CNTN5: variants seen among roughly 807,000 people sequenced by gnomAD.
CNTN5 encodes the protein contactin 5.
A neutral mutation model predicts 129.1 loss-of-function variants in CNTN5; 77 were observed. That is an observed-to-expected ratio of 0.60 (90% CI 0.50 to 0.72). The LOEUF is 0.72. CNTN5 is among the 30% of genes least tolerant of loss of function. The pLI is 0.00. For synonymous variants in CNTN5, 509 were observed against 465.6 expected (o/e 1.09, Z -1.20); for missense variants, 1,478 against 1,328.8 (o/e 1.11, Z -1.75).
At chr11:100,311,960 C>A (rs1384546032) in intron 21 of CNTN5, among the ~76,000 whole-genome samples, 1 of 151,908 alleles carries the variant, frequency 6.6e-6, no homozygotes, top group Non-Finnish European at 1.5e-5. Flanking sequence ...AGAAAGTTAA[C>A]AAGGATGAAT....
At chr11:99,395,213 A>T (rs1223868288) in intron 2 of CNTN5, among the ~76,000 whole-genome samples, 1 of 151,642 alleles carries the variant, frequency 6.6e-6, no homozygotes, top group African/African-American at 2.4e-5. Context: ...TTTATTTTTG[A>T]CATTTTAACA....
chr11:100,074,603 T>C (rs941109586), intron 13 of CNTN5, among the ~76,000 whole-genome samples: 2 of 152,198 alleles, frequency 1.3e-5, no homozygotes, highest in African/African-American at 4.8e-5. Flanking sequence ...TTAGGAGGTC[T>C]ACAAATCATC....
intron 1 of CNTN5, among the ~76,000 whole-genome samples, chr11:99,078,784 A>G (rs1865681789): frequency 1.3e-5 from 2 of 152,162 alleles, no homozygotes; most frequent in Admixed American, 1.3e-4. Context: ...GATGGCTACC[A>G]GAGGCTGGGA....
At chr11:99,311,426 T>A (rs1376089042) in intron 1 of CNTN5, among the ~76,000 whole-genome samples, 2 of 152,198 alleles carry the variant, frequency 1.3e-5, no homozygotes, top group African/African-American at 4.8e-5. Context: ...GTGTTGACCT[T>A]ATCAAATGAG....
chr11:99,520,735 T>G, intron 2 of CNTN5, among the ~76,000 whole-genome samples: 1 of 152,082 alleles, frequency 6.6e-6, no homozygotes, highest in East Asian at 1.9e-4. Flanking sequence ...ATACGTATTT[T>G]GGGATCCAAG....
chr11:99,798,005 C>T (rs539725624), intron 3 of CNTN5, among the ~76,000 whole-genome samples: 1 of 152,148 alleles, frequency 6.6e-6, no homozygotes, highest in African/African-American at 2.4e-5. Context: ...ATGTTTGTTA[C>T]ATAGGAAAAC....
rs1020003311 is a variant in CNTN5 at position 99,548,244 on chromosome 11, C to G, written c.-70-7901C>G. ...TCCTTTACATAAATTTTCACTGGGT[C>G]TGGAATAGTACATTGCTAAAAACCT... On this transcript the variant is annotated intron_variant, in intron 2 of 24. Transcript: ENST00000524871. Among the ~76,000 whole-genome samples the G allele has an allele frequency of 2.6e-4, 39 of 152,176 alleles. 1 individual carries two copies. Among genetic ancestry groups the G allele is most frequent in the Middle Eastern group, 6.8e-3 (2 of 294 alleles).
chr11:100,099,148 C>T (rs953459502), intron 13 of CNTN5, among the ~76,000 whole-genome samples: 8 of 152,010 alleles, frequency 5.3e-5, no homozygotes, highest in Admixed American at 4.6e-4. Flanking sequence ...ATTTTAATTA[C>T]CTTGGTTATA....
At chr11:99,694,416 C>G (rs1289054592) in intron 3 of CNTN5, among the ~76,000 whole-genome samples, 1 of 152,086 alleles carries the variant, frequency 6.6e-6, no homozygotes, top group Non-Finnish European at 1.5e-5. Context: ...GTAGCCTTTA[C>G]AGAAAAAAAG....
intron 3 of CNTN5, among the ~76,000 whole-genome samples, chr11:99,609,314 G>A (rs117357839): frequency 0.012 from 1,880 of 152,186 alleles, 17 homozygotes; most frequent in Non-Finnish European, 0.02. Flanking sequence ...TTCTGAGCAA[G>A]GATACACAGA....
intron 21 of CNTN5, among the ~76,000 whole-genome samples, chr11:100,314,104 G>A (rs1026424994): frequency 6.6e-6 from 1 of 152,062 alleles, no homozygotes; most frequent in African/African-American, 2.4e-5. Context: ...TGAGGGCAAG[G>A]GAACGTCATT....
chr11:99,474,128 T>A (rs1243288370), intron 2 of CNTN5, among the ~76,000 whole-genome samples: 2 of 152,092 alleles, frequency 1.3e-5, no homozygotes, highest in African/African-American at 2.4e-5. Context: ...GTCTATAATA[T>A]GCCTGATTCC....
At chr11:100,299,101 G>A in intron 19 of CNTN5, 61 bp from the exon 20 acceptor site, 1 of 1,127,230 alleles carries the variant, frequency 8.9e-7, no homozygotes, top group Non-Finnish European at 1.3e-6. Context: ...TTAAGAATTT[G>A]GAGAAAGTGG....
At chr11:99,610,865 G>T (rs771003097) in intron 3 of CNTN5, among the ~76,000 whole-genome samples, 2 of 152,162 alleles carry the variant, frequency 1.3e-5, no homozygotes, top group Non-Finnish European at 2.9e-5. Flanking sequence ...AAGCAAAAGA[G>T]AAATATTTGT....
chr11:99,962,445 A>G (rs1469659937), intron 8 of CNTN5, among the ~76,000 whole-genome samples: 5 of 151,862 alleles, frequency 3.3e-5, no homozygotes, highest in African/African-American at 1.2e-4. Flanking sequence ...GCTGAGAATG[A>G]TGGTTTCCAG....
intron 1 of CNTN5, among the ~76,000 whole-genome samples, chr11:99,139,753 A>G (rs1859422642): frequency 6.6e-6 from 1 of 152,196 alleles, no homozygotes; most frequent in African/African-American, 2.4e-5. Context: ...TGATGTACAA[A>G]TATTTGACAA....
chr11:99,141,767 G>A (rs1859527370), intron 1 of CNTN5, among the ~76,000 whole-genome samples: 1 of 152,102 alleles, frequency 6.6e-6, no homozygotes, highest in African/African-American at 2.4e-5. Flanking sequence ...TAGTCATCCA[G>A]GAGCAGTTTG....
At chr11:100,233,462 G>T (rs1293977260) in intron 16 of CNTN5, among the ~76,000 whole-genome samples, 3 of 152,166 alleles carry the variant, frequency 2.0e-5, no homozygotes, top group Non-Finnish European at 4.4e-5. Context: ...TGTAAAGACA[G>T]CACTTTGTCA....
At chr11:99,065,332 T>C (rs1328361543) in intron 1 of CNTN5, among the ~76,000 whole-genome samples, 2 of 152,074 alleles carry the variant, frequency 1.3e-5, no homozygotes, top group Non-Finnish European at 2.9e-5. Context: ...AAATGGCATA[T>C]TTTCAGTAGT....
Sources: gnomAD v4.1 joint callset for allele counts (sites outside exome capture counted in the v4.1 genomes callset) on GRCh38, gnomAD v4.1.1 for gene constraint, MANE v1.5 for transcripts, NCBI Gene and HGNC (gene_info 2026-07-23, HGNC 2026-07-21) for gene names.